EBF1: variants seen among roughly 807,000 people sequenced by gnomAD.
EBF1 encodes EBF transcription factor 1.
EBF1 carries 10 observed loss-of-function variants against 68.4 expected under a neutral mutation model. That is an observed-to-expected ratio of 0.15 (90% CI 0.09 to 0.25). The LOEUF (loss-of-function observed/expected upper bound fraction) is 0.25, where lower values mean the gene tolerates loss of function less well. EBF1 is among the 10% of genes least tolerant of loss of function. EBF1 has a pLI of 1.00. For synonymous variants in EBF1, 298 were observed against 299.8 expected (o/e 0.99, Z 0.06); for missense variants, 509 against 794.4 (o/e 0.64, Z 4.32).
chr5:159,035,331 A>T (rs988332520), intron 6 of EBF1, among the ~76,000 whole-genome samples: 13 of 152,190 alleles, frequency 8.5e-5, no homozygotes, highest in East Asian at 1.9e-4. Context: ...ATAATAAATT[A>T]AAAAAACACC....
intron 1 of EBF1, 39 bp from the exon 2 acceptor site, chr5:159,097,169 C>A (rs773347800): frequency 2.5e-6 from 4 of 1,588,792 alleles, no homozygotes; most frequent in Non-Finnish European, 3.4e-6. Flanking sequence ...CTAAACCGGA[C>A]GCCGACCCGC....
rs1004160351 is a variant in EBF1 at position 158,731,099 on chromosome 5, C to G, written c.1095G>C (p.Arg365=). The change falls in exon 11 of 16, where the codon CGG becomes CGC. Residue 365 remains arginine, a synonymous_variant. Coordinates refer to ENST00000313708, the MANE Select transcript of EBF1 (RefSeq NM_024007.5). ...GCAAACGCTCAGGGTCACCAGGGTG[C>G]CGAGGAATGACCTTCTGTAACCTCT... The part of the protein sequence containing the change: ...GFQRLQKVIP[R]HPGDPERLPK... 2 of 1,613,922 alleles carry G rather than the reference C, an allele frequency of 1.2e-6. No homozygotes were observed. Among genetic ancestry groups the G allele is most frequent in the African/African-American group, 2.7e-5 (2 of 74,908 alleles).
At chr5:158,936,199 T>C (rs1329372366) in intron 6 of EBF1, among the ~76,000 whole-genome samples, 1 of 152,138 alleles carries the variant, frequency 6.6e-6, no homozygotes, top group African/African-American at 2.4e-5. Flanking sequence ...CACATGAAAA[T>C]GGTCTTTGAT....
intron 6 of EBF1, among the ~76,000 whole-genome samples, chr5:158,901,658 G>A (rs937081328): frequency 2.0e-5 from 3 of 152,190 alleles, no homozygotes; most frequent in Admixed American, 2.0e-4. Flanking sequence ...AATATTTGGG[G>A]TATATGCTAG....
chr5:158,817,565 A>G (rs1377915656), intron 8 of EBF1, among the ~76,000 whole-genome samples: 1 of 152,090 alleles, frequency 6.6e-6, no homozygotes, highest in African/African-American at 2.4e-5. Flanking sequence ...CCAGAACCGT[A>G]AGACATAAAC....
intron 6 of EBF1, among the ~76,000 whole-genome samples, chr5:158,895,335 T>C (rs538131298): frequency 2.6e-5 from 4 of 152,312 alleles, no homozygotes; most frequent in Admixed American, 2.6e-4. Context: ...GAAGCCAGCC[T>C]GGCAACATAG....
At chr5:158,858,601 G>A (rs1794458404) in intron 6 of EBF1, among the ~76,000 whole-genome samples, 1 of 152,164 alleles carries the variant, frequency 6.6e-6, no homozygotes, top group Non-Finnish European at 1.5e-5. Context: ...ACACTTCCCT[G>A]GCTGTCCCCC....
chr5:158,853,007 C>T (rs1210025243), intron 6 of EBF1, among the ~76,000 whole-genome samples: 1 of 152,116 alleles, frequency 6.6e-6, no homozygotes, highest in Admixed American at 6.5e-5. Context: ...ATATTCTTAA[C>T]CTGCAGTCAG....
chr5:158,892,029 A>G (rs1178487836), intron 6 of EBF1, among the ~76,000 whole-genome samples: 1 of 152,214 alleles, frequency 6.6e-6, no homozygotes, highest in Non-Finnish European at 1.5e-5. Context: ...TGTGTAACAT[A>G]CCAGGGAATA....
intron 6 of EBF1, among the ~76,000 whole-genome samples, chr5:158,871,941 A>G (rs551792046): frequency 2.0e-5 from 3 of 152,342 alleles, no homozygotes; most frequent in Non-Finnish European, 4.4e-5. Flanking sequence ...ATCAAAGCCT[A>G]AAAGAAGGCA....
chr5:158,995,326 C>G (rs575320127), intron 6 of EBF1, among the ~76,000 whole-genome samples: 1 of 152,170 alleles, frequency 6.6e-6, no homozygotes, highest in Non-Finnish European at 1.5e-5. Flanking sequence ...TTTAACAAGG[C>G]ACAATGGTTT....
At chr5:158,929,440 A>G (rs935759307) in intron 6 of EBF1, among the ~76,000 whole-genome samples, 1 of 152,208 alleles carries the variant, frequency 6.6e-6, no homozygotes, top group Admixed American at 6.5e-5. Flanking sequence ...AATATTCCCT[A>G]TACGAAGAAG....
At chr5:158,933,078 TG>T (rs1397116102) in intron 6 of EBF1, among the ~76,000 whole-genome samples, 1 of 152,240 alleles carries the variant, frequency 6.6e-6, no homozygotes, top group Non-Finnish European at 1.5e-5. Flanking sequence ...TTTACTCTTT[TG>T]TTTTTTTAAT....
At chr5:159,023,328 G>A (rs111408823) in intron 6 of EBF1, among the ~76,000 whole-genome samples, 1 of 152,120 alleles carries the variant, frequency 6.6e-6, no homozygotes, top group African/African-American at 2.4e-5. Context: ...AAAACAAATT[G>A]TGCCCATTGT....
At chr5:158,783,730 G>A (rs747507807) in intron 9 of EBF1, among the ~76,000 whole-genome samples, 1 of 152,188 alleles carries the variant, frequency 6.6e-6, no homozygotes, top group Non-Finnish European at 1.5e-5. Flanking sequence ...AAGCCACTGT[G>A]GCCATGACAA....
At chr5:158,920,472 C>T (rs1024110346) in intron 6 of EBF1, among the ~76,000 whole-genome samples, 3 of 152,238 alleles carry the variant, frequency 2.0e-5, no homozygotes, top group Admixed American at 6.5e-5. Flanking sequence ...AATACCTCTG[C>T]TTTGTACCTA....
At chr5:158,927,638 C>T (rs1292549078) in intron 6 of EBF1, among the ~76,000 whole-genome samples, 1 of 152,186 alleles carries the variant, frequency 6.6e-6, no homozygotes, top group African/African-American at 2.4e-5. Context: ...GGGTACTTCC[C>T]AGAAAATATT....
At chr5:158,760,272 A>C (rs939048138) in intron 10 of EBF1, among the ~76,000 whole-genome samples, 1 of 152,212 alleles carries the variant, frequency 6.6e-6, no homozygotes, top group Admixed American at 6.5e-5. Flanking sequence ...TGCCCCATTA[A>C]AGCAAAAGCC....
intron 9 of EBF1, among the ~76,000 whole-genome samples, chr5:158,787,851 A>G (rs750936394): frequency 6.6e-6 from 1 of 152,238 alleles, no homozygotes; most frequent in East Asian, 1.9e-4. Flanking sequence ...ACCATCACCA[A>G]TAGATTTACA....
Sources: allele counts gnomAD v4.1 joint callset (sites outside exome capture counted in the v4.1 genomes callset), GRCh38; gene constraint gnomAD v4.1.1; transcripts MANE v1.5; gene names NCBI Gene and HGNC (gene_info 2026-07-23, HGNC 2026-07-21).